GRIN3B: variants seen among roughly 807,000 people sequenced by gnomAD.
GRIN3B encodes glutamate receptor ionotropic, NMDA 3B.
In GRIN3B, 77 loss-of-function variants were observed where a neutral mutation model predicts 66.0. The observed-to-expected ratio is 1.17, with a 90% confidence interval of 0.97 to 1.41. The LOEUF is 1.41. Among genes scored for constraint, GRIN3B ranks in the 40% most tolerant of loss-of-function variants. The pLI, the probability that GRIN3B is intolerant of heterozygous loss-of-function variation, is 0.00. For synonymous variants in GRIN3B, 823 were observed against 749.7 expected (o/e 1.10, Z -1.60); for missense variants, 1,787 against 1,564.5 (o/e 1.14, Z -2.40).
intron 3 of GRIN3B, among the ~76,000 whole-genome samples, chr19:1,006,721 C>T (rs1342838800): frequency 6.6e-6 from 1 of 152,190 alleles, no homozygotes; most frequent in Non-Finnish European, 1.5e-5. Flanking sequence ...CCCCTGGTGT[C>T]CCCTGTGAAA....
chr19:1,008,647 G>A lies in GRIN3B; in HGVS notation c.2496G>A (p.Ala832=), dbSNP rs879860202. 14 of 1,602,244 alleles carry A rather than the reference G, an allele frequency of 8.7e-6. No individual in the cohort carries two copies. The highest frequency in any genetic ancestry group is 1.2e-5 in the Non-Finnish European group (14 of 1,179,532). The change falls in exon 7 of 9, where the codon GCG becomes GCA. Residue 832 remains alanine (A), a synonymous_variant. Transcript: ENST00000234389. ...ETLQMSIYHF[A]GLFVLLCLGL... is the part of the protein sequence containing the mutation. ...TGCAGATGAGCATCTACCACTTCGC[G>A]GGCCTCTTCGTGTTGCTGTGCCTGG... is the stretch of plus-strand genomic sequence containing the variant.
intron 1 of GRIN3B, 122 bp from the exon 2 acceptor site, chr19:1,003,008 G>T: frequency 1.6e-6 from 1 of 608,848 alleles, no homozygotes; most frequent in Non-Finnish European, 2.8e-6. Flanking sequence ...GGGCTGGGGG[G>T]AGGTGGAGGG....
chr19:1,006,074 G>A (rs759035893), intron 3 of GRIN3B, among the ~76,000 whole-genome samples: 11 of 152,152 alleles, frequency 7.2e-5, no homozygotes, highest in Non-Finnish European at 1.2e-4. Flanking sequence ...GGTCTCAAAC[G>A]CCGGGGCTCA....
In GRIN3B at chr19:1,009,509, C is replaced by T; in HGVS notation, c.3039C>T (p.Asp1013=). ...RRGQLLAQLG[D]SARHRPRRLL... ...GCCAGCTCCTGGCACAGCTCGGGGACAGCGCACGTCACCGGCCTCGGCGCT... is the reference window on the plus strand; with the variant it reads ...GCCAGCTCCTGGCACAGCTCGGGGATAGCGCACGTCACCGGCCTCGGCGCT... Residue 1013 remains aspartate (D), a synonymous_variant, in exon 9 of 9, where the codon GAC becomes GAT. Transcript: ENST00000234389. 1 of 1,492,600 alleles carries T rather than the reference C, an allele frequency of 6.7e-7. No homozygotes were observed. The highest frequency in any genetic ancestry group is 8.9e-7 in the Non-Finnish European group (1 of 1,126,576). The allele number at this position is 1,492,600 out of a possible 1,614,324, so 92.5% of individuals were successfully genotyped here.
chr19:1,008,754 G>A lies in GRIN3B; in HGVS notation c.2603G>A (p.Arg868Lys), dbSNP rs1568393919. Residue 868 changes from arginine to lysine, a missense_variant, in exon 7 of 9, where the codon AGG (arginine) becomes AAG (lysine). Physicochemically the swap from Arg to Lys is conservative, Grantham distance 26 (BLOSUM62 2). Transcript: ENST00000234389. Reference sequence around the variant, plus strand: ...CTGCCGCGCATCCGCAAGGGGAGCAGGCTGCAGTACTGGCTGCACACCAGC... The same window carrying A: ...CTGCCGCGCATCCGCAAGGGGAGCAAGCTGCAGTACTGGCTGCACACCAGC... ...LALPRIRKGS[R>K]LQYWLHTSQK... 17 of 1,606,206 alleles carry A rather than the reference G, an allele frequency of 1.1e-5. No homozygotes were observed. Among genetic ancestry groups the A allele is most frequent in the Non-Finnish European group, 1.4e-5 (17 of 1,177,060 alleles).
intron 3 of GRIN3B, among the ~76,000 whole-genome samples, chr19:1,006,357 G>C (rs1209061373): frequency 6.6e-6 from 1 of 151,726 alleles, no homozygotes; most frequent in Non-Finnish European, 1.5e-5. Flanking sequence ...ATGTTGGCCA[G>C]GCTGGTCTCG....
rs762054649 is a variant in GRIN3B, at chr19:1,004,957, C to T, written c.1456C>T (p.Arg486Trp). The T allele has an allele frequency of 1.7e-5, 28 of 1,610,788 alleles. No individual in the cohort carries two copies. Among genetic ancestry groups the T allele is most frequent in the South Asian group, 8.8e-5 (8 of 91,064 alleles). Residue 486 changes from arginine (R) to tryptophan (W), a missense_variant, in exon 3 of 9, where the codon CGG (arginine) becomes TGG (tryptophan). Transcript: ENST00000234389. The part of the protein sequence containing the change: ...CYGYCIDLLE[R>W]LAEDTPFDFE... ...CGGCTACTGCATTGACCTGCTGGAG[C>T]GGCTGGCGGAGGACACGCCCTTCGA...
At position 1,004,885 on chromosome 19, in the gene GRIN3B, G is replaced by C; in HGVS notation, c.1384G>C (p.Ala462Pro). 6.2e-7 allele frequency: 1 copy of C among 1,601,490 alleles called. No individual in the cohort carries two copies. The highest frequency in any genetic ancestry group is 1.1e-5 in the South Asian group (1 of 90,786). Reference sequence around the variant, plus strand: ...GGCCACCCTGGACGCACTGTTCGCCGCGCTGGCCAACGGCTCAGCGCCCCG... The same window carrying C: ...GGCCACCCTGGACGCACTGTTCGCCCCGCTGGCCAACGGCTCAGCGCCCCG... ...DSATLDALFA[A>P]LANGSAPRAL... The change falls in exon 3 of 9, where the codon GCG becomes CCG. Residue 462 changes from alanine to proline, a missense_variant. Coordinates refer to ENST00000234389, the MANE Select transcript of GRIN3B (RefSeq NM_138690.3).
At chr19:1,001,297 T>G (rs1285503305) in intron 1 of GRIN3B, among the ~76,000 whole-genome samples, 1 of 151,690 alleles carries the variant, frequency 6.6e-6, no homozygotes, top group Non-Finnish European at 1.5e-5. Flanking sequence ...GCGGTCTCCC[T>G]CCTCACTCTA....
At position 1,007,771 on chromosome 19, in the gene GRIN3B, C is replaced by A; in HGVS notation, c.2196C>A (p.Leu732=). ...APTTPRGVAM[L]TSDPPKLNAF... ...CCACGCCCCGCGGCGTCGCCATGCT[C>A]ACGTGAGCCCGGGCGCGGGGTGAGG... Residue 732 remains leucine (L), a splice_region_variant and synonymous_variant, in exon 4 of 9, where the codon CTC becomes CTA. Coordinates refer to ENST00000234389, the MANE Select transcript of GRIN3B (RefSeq NM_138690.3). This position sits in a 1 kb window ranked among gnomAD's most constrained non-coding sequence, Gnocchi z 4.4. The A allele has an allele frequency of 6.6e-7, 1 of 1,515,802 alleles. No individual in the cohort carries two copies. The allele number at this position is 1,515,802 out of a possible 1,614,324, so 93.9% of individuals were successfully genotyped here.
At position 1,008,786 on chromosome 19, in the gene GRIN3B, G is replaced by C. The variant is rs1409557510; in HGVS notation, c.2631+4G>C. The C allele has an allele frequency of 1.9e-6, 3 of 1,597,968 alleles. No individual in the cohort carries two copies. The highest frequency in any genetic ancestry group is 2.6e-6 in the Non-Finnish European group (3 of 1,173,548). ...GTACTGGCTGCACACCAGCCAGGTG[G>C]GGAGCGGGTGGGCGGCGGGCGGCCC... On this transcript the variant is annotated splice_donor_region_variant and intron_variant, in intron 7 of 8. Coordinates refer to ENST00000234389, the MANE Select transcript of GRIN3B (RefSeq NM_138690.3).
chr19:1,007,815 T>C lies in GRIN3B; in HGVS notation c.2199-41T>C. 3.9e-6 allele frequency: 6 copies of C among 1,527,796 alleles called. No homozygotes were observed. Among genetic ancestry groups the C allele is most frequent in the Admixed American group, 4.0e-5 (2 of 49,512 alleles). 94.6% of individuals were successfully genotyped at this position (1,527,796 alleles called of 1,614,324 possible). A position where few individuals can be genotyped will look rare whatever the true frequency, so the allele number is the denominator to read the frequency against. On this transcript the variant is annotated intron_variant, in intron 4 of 8. Coordinates refer to ENST00000234389, the MANE Select transcript of GRIN3B (RefSeq NM_138690.3). This position sits in a 1 kb window ranked among gnomAD's most constrained non-coding sequence, Gnocchi z 4.4. ...GGTGAGGCGGGGGCGGGGCGTGGGGTGGGCGGGGCGATGGCTGACCCCCGC... is the reference window on the plus strand; with the variant it reads ...GGTGAGGCGGGGGCGGGGCGTGGGGCGGGCGGGGCGATGGCTGACCCCCGC...
Position 1,007,484 on chromosome 19 carries a change from TG to T in GRIN3B, c.2053-141del. The T allele has an allele frequency of 3.2e-6, 3 of 947,112 alleles. No individual in the cohort carries two copies. Among genetic ancestry groups the T allele is most frequent in the Non-Finnish European group, 2.9e-6 (2 of 698,064 alleles). 58.7% of individuals were successfully genotyped at this position (947,112 alleles called of 1,614,324 possible). A position where few individuals can be genotyped will look rare whatever the true frequency, so the allele number is the denominator to read the frequency against. On this transcript the variant is annotated intron_variant, in intron 3 of 8. Coordinates refer to ENST00000234389, the MANE Select transcript of GRIN3B (RefSeq NM_138690.3). This position sits in a 1 kb window ranked among gnomAD's most constrained non-coding sequence, Gnocchi z 4.4. ...TGGTGGTCACGCCTGGGGTGTGCTCTGGGCATGGAGTGGGTGGAGGCCAGGA... is the reference window on the plus strand; with the variant it reads ...TGGTGGTCACGCCTGGGGTGTGCTCTGGCATGGAGTGGGTGGAGGCCAGGA...
In GRIN3B at chr19:1,003,323, G is replaced by A. The variant is rs766935811; in HGVS notation, c.620G>A (p.Arg207Gln). The change falls in exon 2 of 9, where the codon CGG becomes CAG. Residue 207 changes from arginine to glutamine, a missense_variant. Arg to Gln is a conservative substitution (Grantham distance 43). Transcript: ENST00000234389. ...RPPQLVLDLSRRDTGDAGLRA... is the reference protein window; with the variant it reads ...RPPQLVLDLSQRDTGDAGLRA... ...CCACAGCTGGTCCTGGACCTAAGCC[G>A]GCGGGACACGGGAGATGCAGGACTG... 3.1e-5 allele frequency: 49 copies of A among 1,573,160 alleles called. No individual in the cohort carries two copies. The highest frequency in any genetic ancestry group is 1.8e-4 in the African/African-American group (13 of 73,044).
intron 5 of GRIN3B, 32 bp downstream of exon 5, chr19:1,008,003 G>T: frequency 6.2e-7 from 1 of 1,602,572 alleles, no homozygotes; most frequent in Non-Finnish European, 8.5e-7. Context: ...CGGGGCGCCG[G>T]GGTCTCTGGG....
rs763293595 is a variant in GRIN3B, at chr19:1,004,888, C to G, written c.1387C>G (p.Leu463Val). 6.2e-7 allele frequency: 1 copy of G among 1,601,140 alleles called. No homozygotes were observed. Among genetic ancestry groups the G allele is most frequent in the South Asian group, 1.1e-5 (1 of 90,790 alleles). ...CACCCTGGACGCACTGTTCGCCGCG[C>G]TGGCCAACGGCTCAGCGCCCCGTGC... ...SATLDALFAA[L>V]ANGSAPRALR... The change falls in exon 3 of 9, where the codon CTG (leucine) becomes GTG (valine). Residue 463 changes from leucine (L) to valine (V), a missense_variant. By Grantham distance (32) the Leu-to-Val change is conservative. Transcript: ENST00000234389.
chr19:1,006,783 G>T (rs1202181271), intron 3 of GRIN3B, among the ~76,000 whole-genome samples: 1 of 152,158 alleles, frequency 6.6e-6, no homozygotes, highest in Non-Finnish European at 1.5e-5. Context: ...TGCTGCCGGC[G>T]GCTCTTCCAA....
At chr19:1,006,769 C>T (rs739883) in intron 3 of GRIN3B, among the ~76,000 whole-genome samples, 62,633 of 152,098 alleles carry the variant, frequency 0.41, 13,494 homozygotes, top group African/African-American at 0.53. Context: ...TCAGGTGAGC[C>T]GACTGCTGCC....
rs963545622 is a variant in GRIN3B, at chr19:1,009,676, T to C, written c.*74T>C. 8 of 1,200,580 alleles carry C rather than the reference T, an allele frequency of 6.7e-6. No individual in the cohort carries two copies. The African/African-American group carries it at 1.1e-4, about 17-fold the overall frequency. 74.4% of individuals were successfully genotyped at this position (1,200,580 alleles called of 1,614,324 possible). A position where few individuals can be genotyped will look rare whatever the true frequency, so the allele number is the denominator to read the frequency against. On this transcript the variant is annotated 3_prime_UTR_variant, in exon 9 of 9. Coordinates refer to ENST00000234389, the MANE Select transcript of GRIN3B (RefSeq NM_138690.3). The stretch of plus-strand genomic sequence containing the variant: ...GCCGCTGTCAACAGACAGTTTATTC[T>C]ATATACAAACACAATTTTGTACACT...
Sources: allele counts gnomAD v4.1 joint callset (sites outside exome capture counted in the v4.1 genomes callset), GRCh38; gene constraint gnomAD v4.1.1; non-coding constraint Gnocchi (gnomAD v3.1); transcripts MANE v1.5; gene names NCBI Gene and HGNC (gene_info 2026-07-23, HGNC 2026-07-21).